Variants in CTDP1 observed in about 807,000 individuals in gnomAD.
CTDP1 encodes the protein RNA polymerase II subunit A C-terminal domain phosphatase.
Under a neutral mutation model 91.8 loss-of-function variants are expected in CTDP1, and 47 were observed. The ratio of observed to expected loss-of-function variants is 0.51; its 90% CI spans 0.41 to 0.65. The LOEUF is 0.65. Among genes scored for constraint, CTDP1 ranks in the 30% least tolerant of loss-of-function variants. The probability of loss-of-function intolerance (pLI) is 0.00; values close to 1 mark genes in which losing one functional copy is unlikely to be tolerated. For synonymous variants in CTDP1, 656 were observed against 598.5 expected (o/e 1.10, Z -1.40); for missense variants, 1,272 against 1,373.7 (o/e 0.93, Z 1.17).
At position 79,714,617 on chromosome 18, in the gene CTDP1, G is replaced by A; in HGVS notation, c.1157G>A (p.Gly386Asp). 3 of 1,612,804 alleles carry A rather than the reference G, an allele frequency of 1.9e-6. No individual in the cohort carries two copies. The highest frequency in any genetic ancestry group is 2.2e-5 in the East Asian group (1 of 44,870). ...GAGAAGCCTGCACGGGAGCTGAACG[G>A]CAGCGAGGCCGCCACCCCGCGGGAC... ...GLEKPARELNGSEAATPRDSP... is the reference protein window; with the variant it reads ...GLEKPARELNDSEAATPRDSP... Residue 386 changes from glycine (G) to aspartate (D), a missense_variant, in exon 8 of 13, where the codon GGC becomes GAC. Coordinates refer to ENST00000613122, the MANE Select transcript of CTDP1 (RefSeq NM_004715.5).
At chr18:79,734,179 A>T (rs2086622171) in intron 11 of CTDP1, among the ~76,000 whole-genome samples, 1 of 152,180 alleles carries the variant, frequency 6.6e-6, no homozygotes, top group South Asian at 2.1e-4. Flanking sequence ...GCGATGGGGT[A>T]ATGTCTGAGC....
chr18:79,713,108 G>T lies in CTDP1; in HGVS notation c.1000G>T (p.Gly334Trp). The change falls in exon 7 of 13, where the codon GGG becomes TGG. Residue 334 changes from glycine to tryptophan, a missense_variant. By Grantham distance (184) the Gly-to-Trp change is radical. Transcript: ENST00000613122. The surrounding 1 kb of genome is among the most constrained non-coding windows in gnomAD (Gnocchi z 4.7). ...QGTGDMNAPP[G>W]SRESQTRKKV... is the part of the protein sequence containing the mutation. ...CACGGGTGATATGAATGCGCCCCCT[G>T]GGTCCCGAGAATCTCAGACGAGAAA... The T allele has an allele frequency of 6.2e-7, 1 of 1,614,046 alleles. No individual in the cohort carries two copies. The highest frequency in any genetic ancestry group is 8.5e-7 in the Non-Finnish European group (1 of 1,179,986).
At chr18:79,733,752 A>G (rs2086613085) in intron 11 of CTDP1, among the ~76,000 whole-genome samples, 1 of 152,050 alleles carries the variant, frequency 6.6e-6, no homozygotes, top group South Asian at 2.1e-4. Context: ...AAGCCGTCCC[A>G]CCTCACTCCA....
At position 79,738,768 on chromosome 18, in the gene CTDP1, G is replaced by C. The variant is rs114893379; in HGVS notation, c.2747+2247G>C. ...AAAATCACTTGATTTGCAGCTCTGT[G>C]GTTTAGCAGGGAAATGAGTGCAGCT... On this transcript the variant is annotated intron_variant, in intron 12 of 12. Transcript: ENST00000613122. 7.9e-3 allele frequency among the ~76,000 whole-genome samples: 1,197 copies of C among 152,330 alleles called. 18 individuals are homozygous for C. Among genetic ancestry groups the C allele is most frequent in the African/African-American group, 0.027 (1,135 of 41,560 alleles).
chr18:79,697,716 C>T, intron 3 of CTDP1, 144 bp from the exon 4 acceptor site: 2 of 1,252,620 alleles, frequency 1.6e-6, no homozygotes, highest in Non-Finnish European at 1.1e-6. Context: ...AGCCCTGCCT[C>T]TCGGCCTGTA....
chr18:79,698,168 C>T (rs927929551), intron 4 of CTDP1, among the ~76,000 whole-genome samples, 180 bp downstream of exon 4: 13 of 152,364 alleles, frequency 8.5e-5, no homozygotes, highest in African/African-American at 3.1e-4. Flanking sequence ...GGAGCATCCG[C>T]GGCTCCCGGG....
At position 79,709,939 on chromosome 18, in the gene CTDP1, C is replaced by T. The variant is rs563454618; in HGVS notation, c.773-407C>T. On this transcript the variant is annotated intron_variant, in intron 5 of 12. Transcript: ENST00000613122. ...TTAGGAAAGATCATATCCGAGGTGA[C>T]GCAGAGTAATTTCAGCTTAGTGTCC... 9.5e-4 allele frequency among the ~76,000 whole-genome samples: 145 copies of T among 152,272 alleles called. 1 individual carries two copies. The highest frequency in any genetic ancestry group is 3.1e-3 in the African/African-American group (129 of 41,554).
At chr18:79,710,721 A>AT (rs2086065914) in intron 6 of CTDP1, among the ~76,000 whole-genome samples, 1 of 54,108 alleles carries the variant, frequency 1.8e-5, no homozygotes, top group African/African-American at 6.9e-5. Flanking sequence ...TTTTTTTTGT[A>AT]TTTTTAGTAC....
Position 79,680,303 on chromosome 18 carries a change from C to T in CTDP1, c.314+42C>T, listed in dbSNP as rs2085333141. The T allele has an allele frequency of 2.0e-5, 25 of 1,236,114 alleles. 1 individual carries two copies. In the South Asian group the frequency reaches 7.5e-4, roughly 37 times the overall value. The allele number at this position is 1,236,114 out of a possible 1,614,324, so 76.6% of individuals were successfully genotyped here. A position where few individuals can be genotyped will look rare whatever the true frequency, so the allele number is the denominator to read the frequency against. On this transcript the variant is annotated intron_variant, in intron 1 of 12. Coordinates refer to ENST00000613122, the MANE Select transcript of CTDP1 (RefSeq NM_004715.5). ...GGGCGGGGCCGAGGGCGGGCGGCTCCGGGGAGGGATCCTGGAGGACCCCCG... is the reference window on the plus strand; with the variant it reads ...GGGCGGGGCCGAGGGCGGGCGGCTCTGGGGAGGGATCCTGGAGGACCCCCG...
chr18:79,743,186 C>T (rs1166429223), intron 12 of CTDP1, among the ~76,000 whole-genome samples: 1 of 152,140 alleles, frequency 6.6e-6, no homozygotes, highest in African/African-American at 2.4e-5. Flanking sequence ...TAAATAATTA[C>T]AACGATGCAT....
chr18:79,721,758 A>G (rs1164693137), intron 10 of CTDP1, among the ~76,000 whole-genome samples: 2 of 152,220 alleles, frequency 1.3e-5, no homozygotes, highest in African/African-American at 4.8e-5. Flanking sequence ...GTCTCAAAAA[A>G]AAATTTTTCT....
intron 10 of CTDP1, among the ~76,000 whole-genome samples, chr18:79,726,121 G>T (rs1354847709): frequency 6.6e-6 from 1 of 152,184 alleles, no homozygotes; most frequent in Non-Finnish European, 1.5e-5. Context: ...GGACAGCAGG[G>T]ACACGGATGC....
intron 5 of CTDP1, 70 bp from the exon 6 acceptor site, chr18:79,710,276 G>C (rs2046259103): frequency 1.7e-6 from 2 of 1,199,210 alleles, no homozygotes; most frequent in Admixed American, 3.4e-5. Flanking sequence ...AACATTCAAG[G>C]CTTCACCATG....
At position 79,717,567 on chromosome 18, in the gene CTDP1, G is replaced by A. The variant is rs761298575; in HGVS notation, c.2101G>A (p.Gly701Arg). Residue 701 changes from glycine (G) to arginine (R), a missense_variant, in exon 9 of 13, where the codon GGA becomes AGA. Coordinates refer to ENST00000613122, the MANE Select transcript of CTDP1 (RefSeq NM_004715.5). ...GAAGGTGCTGCAGGCACAGGAGTGC[G>A]GACACCTGCACGTGGTCAACCCTGA... ...TEKVLQAQEC[G>R]HLHVVNPDWL... 8.7e-6 allele frequency: 14 copies of A among 1,613,648 alleles called. No homozygotes were observed. The East Asian group carries it at 8.9e-5, about 10-fold the overall frequency.
At chr18:79,700,606 A>C (rs745323264) in intron 4 of CTDP1, among the ~76,000 whole-genome samples, 12 of 152,250 alleles carry the variant, frequency 7.9e-5, no homozygotes, top group Admixed American at 5.9e-4. Flanking sequence ...TGAAGGAAGA[A>C]GCCGTCTCCG....
rs897758798 is a variant in CTDP1 at position 79,713,568 on chromosome 18, C to T, written c.1030+430C>T. Among the ~76,000 whole-genome samples the T allele has an allele frequency of 5.3e-5, 8 of 152,328 alleles. No homozygotes were observed. Among genetic ancestry groups the T allele is most frequent in the South Asian group, 2.1e-4 (1 of 4,824 alleles). ...CGCTGGCTGGGGCCCCAGAGAGCAG[C>T]GTGGTTTAACTTGTCAGTCAGGCAT... On this transcript the variant is annotated intron_variant, in intron 7 of 12. Coordinates refer to ENST00000613122, the MANE Select transcript of CTDP1 (RefSeq NM_004715.5). This position sits in a 1 kb window ranked among gnomAD's most constrained non-coding sequence, Gnocchi z 4.7.
At position 79,742,181 on chromosome 18, in the gene CTDP1, T is replaced by TGA. The variant is rs35935192; in HGVS notation, c.2747+5686_2747+5687dup. Among the ~76,000 whole-genome samples the TGA allele has an allele frequency of 3.7e-3, 369 of 99,788 alleles. 12 individuals are homozygous for TGA. The highest frequency in any genetic ancestry group is 0.012 in the African/African-American group (335 of 27,932). The allele number at this position is 99,788 out of a possible 152,430, so 65.5% of individuals were successfully genotyped here. ...GGGGCAGCAGAGGAAGCATGAAGCA[T>TGA]GAGAGAGAGAGAGAGAGAGAGAGAG... On this transcript the variant is annotated intron_variant, in intron 12 of 12. Transcript: ENST00000613122.
At chr18:79,743,708 A>G (rs2086827371) in intron 12 of CTDP1, among the ~76,000 whole-genome samples, 1 of 152,240 alleles carries the variant, frequency 6.6e-6, no homozygotes, top group Non-Finnish European at 1.5e-5. Flanking sequence ...ATGTCTCCGT[A>G]TCGAATTGGA....
rs1367640368 is a variant in CTDP1 at position 79,714,715 on chromosome 18, C to G, written c.1255C>G (p.Leu419Val). The G allele has an allele frequency of 6.2e-7, 1 of 1,605,578 alleles. No individual in the cohort carries two copies. Among genetic ancestry groups the G allele is most frequent in the South Asian group, 1.1e-5 (1 of 90,316 alleles). ...CCAGGCCCCCACCAGCAGCCAAGAG[C>G]TGGCAGGCGCTCCTGAGCCCCAGGG... is the stretch of plus-strand genomic sequence containing the variant. The part of the protein sequence containing the change: ...PAQAPTSSQE[L>V]AGAPEPQGSC... The change falls in exon 8 of 13, where the codon CTG becomes GTG. Residue 419 changes from leucine to valine, a missense_variant. Transcript: ENST00000613122.
Sources: gnomAD v4.1 joint callset for allele counts (sites outside exome capture counted in the v4.1 genomes callset) on GRCh38, gnomAD v4.1.1 for gene constraint, Gnocchi (gnomAD v3.1) non-coding constraint, MANE v1.5 for transcripts, NCBI Gene and HGNC (gene_info 2026-07-23, HGNC 2026-07-21) for gene names.